Variants in ITGAE observed in about 807,000 individuals in gnomAD.
ITGAE encodes integrin alpha-E.
A neutral mutation model predicts 136.5 loss-of-function variants in ITGAE; 99 were observed. The observed-to-expected ratio is 0.73, with a 90% CI of 0.62 to 0.86. ITGAE has a LOEUF of 0.86. ITGAE is among the 40% of genes least tolerant of loss of function. The probability of loss-of-function intolerance (pLI) is 0.00; values close to 1 mark genes in which losing one functional copy is unlikely to be tolerated. For synonymous variants in ITGAE, 613 were observed against 591.8 expected, an observed-to-expected ratio of 1.04 and a Z score of -0.52; for missense variants, 1,447 against 1,515.3, an observed-to-expected ratio of 0.95 and a Z score of 0.75.
intron 20 of ITGAE, among the ~76,000 whole-genome samples, chr17:3,738,256 C>T (rs530352306): frequency 7.7e-4 from 117 of 151,938 alleles, no homozygotes; most frequent in African/African-American, 2.3e-3. Context: ...CTGCACCCTC[C>T]GCCTCCCGAG....
chr17:3,777,987 G>A (rs535572102), intron 1 of ITGAE, among the ~76,000 whole-genome samples: 4 of 152,000 alleles, frequency 2.6e-5, no homozygotes, highest in Non-Finnish European at 4.4e-5. Context: ...ACGTCACTGC[G>A]TCTTGTACTG....
At chr17:3,769,405 C>T (rs936916175) in intron 2 of ITGAE, among the ~76,000 whole-genome samples, 45 of 150,036 alleles carry the variant, frequency 3.0e-4, no homozygotes, top group African/African-American at 1.1e-3. Context: ...GTGCAGGGTG[C>T]GCACTGCAGA....
At chr17:3,771,139 T>C (rs1164040654) in intron 2 of ITGAE, among the ~76,000 whole-genome samples, 1 of 149,376 alleles carries the variant, frequency 6.7e-6, no homozygotes, top group Non-Finnish European at 1.5e-5. Context: ...GAGGTGCACA[T>C]CAGTGCTATT....
chr17:3,725,500 A>AT (rs2051189615), intron 26 of ITGAE: 1 of 1,614,138 alleles, frequency 6.2e-7, no homozygotes, highest in African/African-American at 1.3e-5. Flanking sequence ...GATTTAGTCA[A>AT]TGGATCCCAT....
chr17:3,719,763 T>C (rs893431540), intron 29 of ITGAE, among the ~76,000 whole-genome samples: 10 of 141,970 alleles, frequency 7.0e-5, no homozygotes, highest in African/African-American at 3.1e-4. Context: ...AGTCTCACTC[T>C]ATCACTGAGG....
At chr17:3,731,506 T>A (rs916162945) in intron 22 of ITGAE, among the ~76,000 whole-genome samples, 1 of 151,792 alleles carries the variant, frequency 6.6e-6, no homozygotes, top group African/African-American at 2.4e-5. Flanking sequence ...CACGCCCAGC[T>A]AATTTTTGTA....
At chr17:3,717,790 A>G (rs921046745) in intron 29 of ITGAE, 7 of 152,198 alleles carry the variant, frequency 4.6e-5, no homozygotes, top group Non-Finnish European at 1.0e-4. Context: ...TGAACTAAAT[A>G]GGAGTGAAGT....
At chr17:3,800,940 T>C (rs1199779978) in intron 1 of ITGAE, among the ~76,000 whole-genome samples, 171 bp downstream of exon 1, 2 of 152,104 alleles carry the variant, frequency 1.3e-5, no homozygotes, top group African/African-American at 4.8e-5. Flanking sequence ...CCAACAAGCC[T>C]GGGGCCCTGA....
intron 17 of ITGAE, 43 bp from the exon 18 acceptor site, chr17:3,745,970 C>A: frequency 6.3e-7 from 1 of 1,581,200 alleles, no homozygotes. Flanking sequence ...TGGGGATGAG[C>A]CAGCCGCAGA....
At chr17:3,729,601 G>T in intron 23 of ITGAE, 46 bp from the exon 24 acceptor site, 2 of 1,218,512 alleles carry the variant, frequency 1.6e-6, no homozygotes, top group Non-Finnish European at 2.4e-6. Context: ...TTTGTACATA[G>T]CAAGTGCTTC....
rs1454835723 is a variant in ITGAE, at chr17:3,747,947, G to T, written c.2130C>A (p.Ser710Arg). 4 of 1,610,576 alleles carry T rather than the reference G, an allele frequency of 2.5e-6. No homozygotes were observed. The African/African-American group carries it at 5.4e-5, about 22-fold the overall frequency. Residue 710 changes from serine to arginine, a missense_variant, in exon 17 of 31, where the codon AGC (serine) becomes AGA (arginine). Ser to Arg is a moderately radical substitution (Grantham distance 110, BLOSUM62 -1). Around this residue, in one of 3 missense-constraint regions of ITGAE, gnomAD observed 1,031 missense variants for 1,011.4 expected, o/e 1.02. Transcript: ENST00000263087. Reference protein sequence around the residue: ...VVNVRLCFEISSVTTASESGL... With the variant: ...VVNVRLCFEIRSVTTASESGL... ...CTGACTCAGAGGCTGTGGTTACAGA[G>T]CTGATTTCAAAACATAAACGGACAT...
intron 1 of ITGAE, among the ~76,000 whole-genome samples, chr17:3,788,762 ATAAT>A (rs1389393424): frequency 1.4e-5 from 2 of 146,360 alleles, no homozygotes; most frequent in Non-Finnish European, 1.5e-5. Context: ...TTTAAAAATA[ATAAT>A]TATTAAAATA....
At chr17:3,743,703 TTC>T in intron 18 of ITGAE, 86 bp from the exon 19 acceptor site, 4 of 1,293,454 alleles carry the variant, frequency 3.1e-6, no homozygotes, top group Admixed American at 2.8e-5. Flanking sequence ...TTTTCTTTTT[TTC>T]TTTTTTTTTT....
At chr17:3,773,682 A>G (rs1215604360) in intron 2 of ITGAE, among the ~76,000 whole-genome samples, 2 of 152,046 alleles carry the variant, frequency 1.3e-5, no homozygotes, top group Non-Finnish European at 2.9e-5. Context: ...GCCTCATTAC[A>G]TAGGCATGAC....
At chr17:3,756,630 C>G (rs924167968) in intron 10 of ITGAE, among the ~76,000 whole-genome samples, 1 of 152,172 alleles carries the variant, frequency 6.6e-6, no homozygotes, top group Non-Finnish European at 1.5e-5. Context: ...GTCTTGAACT[C>G]CAGACCTCAG....
intron 30 of ITGAE, 85 bp downstream of exon 30, chr17:3,716,603 G>C: frequency 2.5e-6 from 2 of 803,046 alleles, no homozygotes; most frequent in Non-Finnish European, 4.2e-6. Flanking sequence ...GCTGCTCTAA[G>C]TCAGAGGTTG....
At chr17:3,760,040 G>A in intron 7 of ITGAE, 132 bp downstream of exon 7, 1 of 647,866 alleles carries the variant, frequency 1.5e-6, no homozygotes, top group East Asian at 2.8e-5. Context: ...AAGATGGACA[G>A]AAGAATCATC....
chr17:3,720,584 C>CTTT, intron 28 of ITGAE, 182 bp from the exon 29 acceptor site: 24 of 321,444 alleles, frequency 7.5e-5, no homozygotes, highest in African/African-American at 2.4e-4. Flanking sequence ...CTTCAACTTC[C>CTTT]TTTTTTTTTT....
In ITGAE at chr17:3,761,025, C is replaced by T. The variant is rs755359151; in HGVS notation, c.586G>A (p.Glu196Lys). 1 of 1,602,944 alleles carries T rather than the reference C, an allele frequency of 6.2e-7. No individual in the cohort carries two copies. The highest frequency in any genetic ancestry group is 1.1e-5 in the South Asian group (1 of 90,924). The change falls in exon 6 of 31, where the codon GAG (glutamate) becomes AAG (lysine). Residue 196 changes from glutamate to lysine, a missense_variant. Physicochemically the swap from Glu to Lys is moderately conservative, Grantham distance 56. Coordinates refer to ENST00000263087, the MANE Select transcript of ITGAE (RefSeq NM_002208.5). ...TGCCTCTTCTCACCAGCTTCCTCCT[C>T]CTCCTCGTCTTCCTCCTCCTCCTTG... ...EDKEEEEDEE[E>K]EEAGTEIAII...
Sources: gnomAD v4.1 joint callset for allele counts (sites outside exome capture counted in the v4.1 genomes callset) on GRCh38, gnomAD v4.1.1 for gene constraint, gnomAD v4.1.1 regional missense constraint, MANE v1.5 for transcripts, NCBI Gene and HGNC (gene_info 2026-07-23, HGNC 2026-07-21) for gene names.